Variants in SNRNP40 observed in about 807,000 individuals in gnomAD.
The protein encoded by SNRNP40 is small nuclear ribonucleoprotein U5 subunit 40.
A neutral mutation model predicts 45.8 loss-of-function variants in SNRNP40; 21 were observed. That is an observed-to-expected ratio of 0.46 (90% CI 0.32 to 0.66). SNRNP40 has a LOEUF of 0.66. Ranked by LOEUF, SNRNP40 falls within the 30% of genes least tolerant of loss-of-function variation. The pLI, the probability that SNRNP40 is intolerant of heterozygous loss-of-function variation, is 0.03. For missense variants in SNRNP40, 344 were observed against 439.1 expected (o/e 0.78, Z 1.94); for synonymous variants, 142 against 163.8 (o/e 0.87, Z 1.01).
chr1:31,262,300 G>A (rs1034097589), intron 8 of SNRNP40, among the ~76,000 whole-genome samples: 4 of 151,826 alleles, frequency 2.6e-5, no homozygotes, highest in Non-Finnish European at 4.4e-5. Flanking sequence ...TGCGTGGATC[G>A]TCTTAGGTCT....
chr1:31,272,314 T>C (rs1303115871), intron 5 of SNRNP40, among the ~76,000 whole-genome samples: 1 of 152,182 alleles, frequency 6.6e-6, no homozygotes, highest in Non-Finnish European at 1.5e-5. Flanking sequence ...AAAAGCACAT[T>C]TATTAAAATA....
rs774914440 is a variant in SNRNP40 at position 31,259,946 on chromosome 1, T to C, written c.*126A>G. 5 of 769,642 alleles carry C rather than the reference T, an allele frequency of 6.5e-6. No individual in the cohort carries two copies. The highest frequency in any genetic ancestry group is 1.2e-5 in the Non-Finnish European group (5 of 430,620). The allele number at this position is 769,642 out of a possible 1,614,324, so 47.7% of individuals were successfully genotyped here. The stretch of plus-strand genomic sequence containing the variant: ...TGGTTTTTGGAATATGGCCACCGCC[T>C]CCTGTTTCTTGCTAGCAATGGTCAT... On this transcript the variant is annotated 3_prime_UTR_variant, in exon 10 of 10. Transcript: ENST00000263694.
rs1363971767 is a variant in SNRNP40, at chr1:31,260,311, A to G, written c.1025-190T>C. On this transcript the variant is annotated intron_variant, in intron 9 of 9. Coordinates refer to ENST00000263694, the MANE Select transcript of SNRNP40 (RefSeq NM_004814.3). ...ATCCAAGTCCTCTAATATCATGAGGATGACTGTACTATGGGAAATACATTA... is the reference window on the plus strand; with the variant it reads ...ATCCAAGTCCTCTAATATCATGAGGGTGACTGTACTATGGGAAATACATTA... Among the ~76,000 whole-genome samples the G allele has an allele frequency of 2.0e-5, 3 of 152,262 alleles. No individual in the cohort carries two copies. The East Asian group carries it at 5.8e-4, about 29-fold the overall frequency.
intron 8 of SNRNP40, among the ~76,000 whole-genome samples, chr1:31,264,563 A>G (rs1645883197): frequency 6.6e-6 from 1 of 152,228 alleles, no homozygotes; most frequent in African/African-American, 2.4e-5. Flanking sequence ...TTGATCTCAT[A>G]ACTTTGTTGA....
chr1:31,281,231 A>G (rs1428310017), intron 5 of SNRNP40, 143 bp downstream of exon 5: 1 of 605,680 alleles, frequency 1.7e-6, no homozygotes, highest in Non-Finnish European at 2.8e-6. Flanking sequence ...TGAAGACAGG[A>G]GAAAAAGAAA....
chr1:31,273,865 G>T (rs919295747), intron 5 of SNRNP40, among the ~76,000 whole-genome samples: 1 of 152,136 alleles, frequency 6.6e-6, no homozygotes, highest in African/African-American at 2.4e-5. Flanking sequence ...CGGGTCAGAG[G>T]GTTTAGCTCT....
chr1:31,296,729 T>G lies in SNRNP40; in HGVS notation c.23A>C (p.Lys8Thr). 1.9e-6 allele frequency: 3 copies of G among 1,611,866 alleles called. No homozygotes were observed. The highest frequency in any genetic ancestry group is 2.5e-6 in the Non-Finnish European group (3 of 1,179,068). ...TGGAACCAGCGGCAACTCTGGGCCC[T>G]TACGCTTCTGCTGTTCTATCATGGC... is the stretch of plus-strand genomic sequence containing the variant. MIEQQKR[K>T]GPELPLVPVK... The change falls in exon 1 of 10, where the codon AAG (lysine) becomes ACG (threonine). Residue 8 changes from lysine (K) to threonine (T), a missense_variant. This residue lies in a region of SNRNP40 where 90 missense variants were observed against 58.9 expected (regional missense o/e 1.53). Transcript: ENST00000263694.
chr1:31,271,367 T>C lies in SNRNP40; in HGVS notation c.775+12A>G. 6.3e-7 allele frequency: 1 copy of C among 1,599,950 alleles called. No individual in the cohort carries two copies. Among genetic ancestry groups the C allele is most frequent in the South Asian group, 1.1e-5 (1 of 87,980 alleles). ...CCTTGGATCCTGGGAGAGATTTCCT[T>C]TCCAAAGTTACCTGTATTGTCCATT... On this transcript the variant is annotated intron_variant, in intron 6 of 9. Transcript: ENST00000263694.
intron 5 of SNRNP40, among the ~76,000 whole-genome samples, chr1:31,274,358 T>C (rs1223051477): frequency 6.6e-6 from 1 of 151,980 alleles, no homozygotes; most frequent in South Asian, 2.1e-4. Flanking sequence ...TCCCTCAGCC[T>C]CCAGAGTAGC....
At chr1:31,282,752 T>C (rs1348040872) in intron 4 of SNRNP40, among the ~76,000 whole-genome samples, 1 of 152,150 alleles carries the variant, frequency 6.6e-6, no homozygotes, top group Non-Finnish European at 1.5e-5. Flanking sequence ...CTTGGCTCAC[T>C]GCAACCTCCA....
intron 6 of SNRNP40, chr1:31,271,059 A>T (rs1645934561): frequency 5.2e-6 from 1 of 191,398 alleles, no homozygotes; most frequent in South Asian, 1.7e-4. Context: ...ATAGACTTCT[A>T]GATTCACATC....
At chr1:31,263,626 C>A (rs538620606) in intron 8 of SNRNP40, 3 of 468,812 alleles carry the variant, frequency 6.4e-6, no homozygotes, top group South Asian at 4.6e-5. Flanking sequence ...ATGAGCTCAT[C>A]TAGGCTCTCC....
intron 4 of SNRNP40, among the ~76,000 whole-genome samples, chr1:31,288,490 C>G (rs1313106318): frequency 6.6e-6 from 1 of 152,152 alleles, no homozygotes; most frequent in East Asian, 1.9e-4. Context: ...ATATCTGATT[C>G]CCATTGCAGA....
chr1:31,296,746 T>A lies in SNRNP40; in HGVS notation c.6A>T (p.Ile2=). The A allele has an allele frequency of 6.2e-7, 1 of 1,601,276 alleles. No individual in the cohort carries two copies. The highest frequency in any genetic ancestry group is 2.3e-5 in the East Asian group (1 of 44,430). Residue 2 remains isoleucine (I), a synonymous_variant, in exon 1 of 10, where the codon ATA becomes ATT. Transcript: ENST00000263694. ...CTGGGCCCTTACGCTTCTGCTGTTC[T>A]ATCATGGCGGCAACCGGTCTCTTCA... The part of the protein sequence containing the change: M[I]EQQKRKGPEL...
chr1:31,294,082 C>T (rs577231256), intron 1 of SNRNP40, among the ~76,000 whole-genome samples: 154 of 151,982 alleles, frequency 1.0e-3, no homozygotes, highest in African/African-American at 3.6e-3. Flanking sequence ...CTCAGCCTCC[C>T]GAGCAGCCAA....
intron 5 of SNRNP40, among the ~76,000 whole-genome samples, chr1:31,279,676 G>C (rs1646001661): frequency 6.6e-6 from 1 of 151,322 alleles, no homozygotes; most frequent in Non-Finnish European, 1.5e-5. Context: ...GAACCCAGGA[G>C]GCAGAAGTTG....
intron 5 of SNRNP40, among the ~76,000 whole-genome samples, chr1:31,272,664 T>C (rs775024613): frequency 2.0e-5 from 3 of 152,180 alleles, no homozygotes; most frequent in Non-Finnish European, 2.9e-5. Flanking sequence ...ACAAGACAGG[T>C]CCTCAATAAT....
chr1:31,265,535 A>T (rs1334403495), intron 8 of SNRNP40, among the ~76,000 whole-genome samples: 2 of 152,196 alleles, frequency 1.3e-5, no homozygotes, highest in African/African-American at 4.8e-5. Context: ...AAAGTATGTA[A>T]ATATAATTTA....
intron 3 of SNRNP40, among the ~76,000 whole-genome samples, chr1:31,289,674 T>A (rs1646088309): frequency 6.6e-6 from 1 of 152,200 alleles, no homozygotes; most frequent in African/African-American, 2.4e-5. Flanking sequence ...GACATACATC[T>A]AATGTAGCAG....
Sources: allele counts gnomAD v4.1 joint callset (sites outside exome capture counted in the v4.1 genomes callset), GRCh38; gene constraint gnomAD v4.1.1; regional missense constraint gnomAD v4.1.1; transcripts MANE v1.5; gene names NCBI Gene and HGNC (gene_info 2026-07-23, HGNC 2026-07-21).